AGAP2: variants seen among roughly 807,000 people sequenced by gnomAD.
AGAP2 encodes arf-GAP with GTPase, ANK repeat and PH domain-containing protein 2.
Under a neutral mutation model 110.9 loss-of-function variants are expected in AGAP2, and 32 were observed. The observed-to-expected ratio is 0.29, with a 90% confidence interval of 0.22 to 0.39. The LOEUF (loss-of-function observed/expected upper bound fraction) is 0.39, where lower values mean the gene tolerates loss of function less well. Ranked by LOEUF, AGAP2 falls within the 10% of genes least tolerant of loss-of-function variation. The pLI is 1.00. For missense variants in AGAP2, 1,285 were observed against 1,638.5 expected (o/e 0.78, Z 3.72); for synonymous variants, 702 against 713.0 (o/e 0.98, Z 0.25).
Position 57,726,510 on chromosome 12 carries a change from C to A in AGAP2, c.*42G>T. The A allele has an allele frequency of 6.7e-6, 8 of 1,195,690 alleles. No homozygotes were observed. The highest frequency in any genetic ancestry group is 8.3e-6 in the Non-Finnish European group (8 of 963,388). 74.1% of individuals were successfully genotyped at this position (1,195,690 alleles called of 1,614,324 possible). The stretch of plus-strand genomic sequence containing the variant: ...CAGCGGTCCGCCCGGTGTGGTCGTG[C>A]CCGGCCCGCGTGGGGATGGGGGTGT... On this transcript the variant is annotated 3_prime_UTR_variant, in exon 19 of 19. Transcript: ENST00000547588. The surrounding 1 kb of genome is among the most constrained non-coding windows in gnomAD (Gnocchi z 5.7).
chr12:57,735,008 C>G (rs1032449615), intron 2 of AGAP2, among the ~76,000 whole-genome samples: 13 of 150,646 alleles, frequency 8.6e-5, no homozygotes, highest in Admixed American at 4.0e-4. Context: ...GTGTGTGTCT[C>G]TGTGTGTGTG....
At chr12:57,724,326 C>G (rs187072180), downstream of AGAP2, 1 of 152,436 alleles carries the variant, frequency 6.6e-6, no homozygotes. Context: ...TAGATAACAA[C>G]ATATGGCTGT....
At chr12:57,733,020 C>T in intron 5 of AGAP2, 41 bp from the exon 6 acceptor site, 3 of 1,611,062 alleles carry the variant, frequency 1.9e-6, no homozygotes, top group Non-Finnish European at 1.7e-6. Context: ...CAAGGAGCCC[C>T]ACCTTGTTCG....
chr12:57,737,155 G>C lies in AGAP2; in HGVS notation c.1092C>G (p.Pro364=), dbSNP rs1272505381. Residue 364 remains proline (P), a synonymous_variant, in exon 1 of 19, where the codon CCC becomes CCG. Transcript: ENST00000547588. This position sits in a 1 kb window ranked among gnomAD's most constrained non-coding sequence, Gnocchi z 5.9. ...KSTGGPPGSG[P]LPGPPSLSSG... ...AAGACAGGCTGGGGGGTCCGGGAAG[G>C]GGCCCGGAGCCAGGAGGCCCTCCTG... 1 of 1,572,944 alleles carries C rather than the reference G, an allele frequency of 6.4e-7. No homozygotes were observed. The highest frequency in any genetic ancestry group is 1.3e-5 in the African/African-American group (1 of 74,190).
At chr12:57,731,738 C>T (rs1595087354) in intron 8 of AGAP2, 71 bp downstream of exon 8, 1 of 1,574,930 alleles carries the variant, frequency 6.3e-7, no homozygotes. Flanking sequence ...ACAGAGGAGT[C>T]TAGGGACTAG....
At chr12:57,736,368 T>G (rs1203755152) in intron 1 of AGAP2, among the ~76,000 whole-genome samples, 1 of 152,090 alleles carries the variant, frequency 6.6e-6, no homozygotes, top group Non-Finnish European at 1.5e-5. Context: ...CTCCCAAGTC[T>G]CCCGGGGTAC....
At chr12:57,729,046 A>G (rs1244244284) in intron 13 of AGAP2, among the ~76,000 whole-genome samples, 1 of 151,852 alleles carries the variant, frequency 6.6e-6, no homozygotes, top group Non-Finnish European at 1.5e-5. Context: ...CATGGTGGCA[A>G]GTGCCTGTAG....
At chr12:57,735,484 C>T (rs1954963603) in intron 1 of AGAP2, 57 bp from the exon 2 acceptor site, 4 of 1,509,202 alleles carry the variant, frequency 2.7e-6, no homozygotes, top group South Asian at 1.2e-5. Flanking sequence ...GGACCCCCAA[C>T]ACTGAGCCAC....
intron 6 of AGAP2, 67 bp downstream of exon 6, chr12:57,732,778 G>C: frequency 6.3e-7 from 1 of 1,598,744 alleles, no homozygotes; most frequent in Non-Finnish European, 8.5e-7. Context: ...CTGGATGCCT[G>C]ACCACTGAGA....
intron 1 of AGAP2, among the ~76,000 whole-genome samples, 181 bp downstream of exon 1, chr12:57,736,898 G>A (rs184606065): frequency 1.3e-5 from 2 of 152,312 alleles, no homozygotes; most frequent in Admixed American, 1.3e-4. Context: ...GCACAATGTA[G>A]CTACTCGCCC....
At position 57,726,639 on chromosome 12, in the gene AGAP2, C is replaced by G; in HGVS notation, c.3492G>C (p.Thr1164=). ...GGCTGGGCGTGGCGGTGATGCTGGG[C>G]GTGGTGGCCGCGCTGGGCGTGGTGG... is the stretch of plus-strand genomic sequence containing the variant. ...SAATTPSAAT[T]PSITATPSPR... The change falls in exon 19 of 19, where the codon ACG becomes ACC. Residue 1164 remains threonine (T), a synonymous_variant. Coordinates refer to ENST00000547588, the MANE Select transcript of AGAP2 (RefSeq NM_001122772.3). This position sits in a 1 kb window ranked among gnomAD's most constrained non-coding sequence, Gnocchi z 5.7. 8.4e-7 allele frequency: 1 copy of G among 1,196,866 alleles called. No individual in the cohort carries two copies. The allele number at this position is 1,196,866 out of a possible 1,614,324, so 74.1% of individuals were successfully genotyped here.
chr12:57,736,002 T>TC lies in AGAP2; in HGVS notation c.1169-576dup, dbSNP rs535241317. On this transcript the variant is annotated intron_variant, in intron 1 of 18. Transcript: ENST00000547588. ...TCCTATGCCTCCATCTCCCACACCC[T>TC]CCCCACAAACGCCCTCCAAAAGAAC... is the stretch of plus-strand genomic sequence containing the variant. Among the ~76,000 whole-genome samples, 671 of 151,818 alleles carry TC rather than the reference T, an allele frequency of 4.4e-3. 4 individuals carry two copies. The highest frequency in any genetic ancestry group is 0.016 in the African/African-American group (642 of 41,364).
rs1189150590 is a variant in AGAP2, at chr12:57,726,085, G to T, written c.*467C>A. ...GGTAGGGTTTCCGTATTGGCCCCAA[G>T]TCCCGGGGCTAGCCCTCCCATGTAC... On this transcript the variant is annotated 3_prime_UTR_variant, in exon 19 of 19. Coordinates refer to ENST00000547588, the MANE Select transcript of AGAP2 (RefSeq NM_001122772.3). This position sits in a 1 kb window ranked among gnomAD's most constrained non-coding sequence, Gnocchi z 5.7. The T allele has an allele frequency of 6.6e-6, 1 of 152,380 alleles. No homozygotes were observed. Among genetic ancestry groups the T allele is most frequent in the African/African-American group, 2.4e-5 (1 of 41,438 alleles). The allele number at this position is 152,380 out of a possible 1,614,324, so 9.4% of individuals were successfully genotyped here.
chr12:57,736,357 C>T (rs1954982032), intron 1 of AGAP2, among the ~76,000 whole-genome samples: 1 of 152,220 alleles, frequency 6.6e-6, no homozygotes, highest in Non-Finnish European at 1.5e-5. Flanking sequence ...CCCCGTACCG[C>T]CTCCCAAGTC....
chr12:57,737,704 C>A lies in AGAP2; in HGVS notation c.543G>T (p.Ala181=). Residue 181 remains alanine, a synonymous_variant, in exon 1 of 19, where the codon GCG becomes GCT. Transcript: ENST00000547588. The surrounding 1 kb of genome is among the most constrained non-coding windows in gnomAD (Gnocchi z 5.9). ...PGTGSRRLKV[A]PPPPAPKPCK... is the part of the protein sequence containing the mutation. ...AAGGCTTGGGAGCCGGCGGAGGAGG[C>A]GCCACCTTGAGCCTCCGGCTGCCGG... The A allele has an allele frequency of 3.9e-6, 6 of 1,549,454 alleles. No homozygotes were observed. Among genetic ancestry groups the A allele is most frequent in the Non-Finnish European group, 5.2e-6 (6 of 1,150,698 alleles).
At chr12:57,731,498 GA>G in intron 9 of AGAP2, 28 bp from the exon 10 acceptor site, 1 of 1,613,882 alleles carries the variant, frequency 6.2e-7, no homozygotes, top group Non-Finnish European at 8.5e-7. Flanking sequence ...ACACATGTGG[GA>G]AAAAAGCCAA....
At chr12:57,733,658 C>T (rs985341846) in intron 5 of AGAP2, among the ~76,000 whole-genome samples, 9 of 152,106 alleles carry the variant, frequency 5.9e-5, no homozygotes, top group African/African-American at 2.2e-4. Context: ...ACCCAGCTGT[C>T]GCAAAAAGGA....
chr12:57,729,982 C>T (rs1954853248), intron 12 of AGAP2, among the ~76,000 whole-genome samples: 1 of 152,230 alleles, frequency 6.6e-6, no homozygotes, highest in Non-Finnish European at 1.5e-5. Flanking sequence ...CTGCCACTTA[C>T]TGGCCTTAAG....
rs1955031678 is a variant in AGAP2 at position 57,738,352 on chromosome 12, C to T, written c.-106G>A. ...TGCTCGCTGCCCCCAGCCCCCGGAC[C>T]CCGCTGAGCCCCCGGCCCGGCTCCG... On this transcript the variant is annotated 5_prime_UTR_variant, in exon 1 of 19. Transcript: ENST00000547588. This position sits in a 1 kb window ranked among gnomAD's most constrained non-coding sequence, Gnocchi z 6.7. 3 of 1,257,396 alleles carry T rather than the reference C, an allele frequency of 2.4e-6. No homozygotes were observed. In the African/African-American group the frequency reaches 4.7e-5, roughly 20 times the overall value. 77.9% of individuals were successfully genotyped at this position (1,257,396 alleles called of 1,614,324 possible).
Sources: gnomAD v4.1 joint callset for allele counts (sites outside exome capture counted in the v4.1 genomes callset) on GRCh38, gnomAD v4.1.1 for gene constraint, Gnocchi (gnomAD v3.1) non-coding constraint, MANE v1.5 for transcripts, NCBI Gene and HGNC (gene_info 2026-07-23, HGNC 2026-07-21) for gene names.